The following ADAM19 variants were observed in gnomAD, a reference collection of about 807,000 sequenced individuals.
ADAM19 encodes ADAM metallopeptidase domain 19, also known as disintegrin and metalloproteinase domain-containing protein 19.
Under a neutral mutation model 114.7 loss-of-function variants are expected in ADAM19, and 65 were observed. That is an observed-to-expected ratio of 0.57 (90% CI 0.46 to 0.70). ADAM19 has a LOEUF of 0.70. Ranked by LOEUF, ADAM19 falls within the 30% of genes least tolerant of loss-of-function variation. The pLI is 0.00. For missense variants in ADAM19, 1,063 were observed against 1,204.7 expected, an observed-to-expected ratio of 0.88 and a Z score of 1.74; for synonymous variants, 466 against 460.5, an observed-to-expected ratio of 1.01 and a Z score of -0.15.
chr5:157,569,130 G>C (rs1189476808), intron 2 of ADAM19: 1 of 152,026 alleles, frequency 6.6e-6, no homozygotes, highest in Admixed American at 6.6e-5. Flanking sequence ...AATTTGTCGA[G>C]ACTTTTCCTG....
Position 157,477,853 on chromosome 5 carries a change from T to A in ADAM19, c.*3096A>T. The A allele has an allele frequency of 5.2e-6, 3 of 573,816 alleles. No homozygotes were observed. The highest frequency in any genetic ancestry group is 6.2e-5 in the Admixed American group (2 of 32,074). 35.5% of individuals were successfully genotyped at this position (573,816 alleles called of 1,614,324 possible). On this transcript the variant is annotated 3_prime_UTR_variant, in exon 23 of 23. Transcript: ENST00000257527. ...CTTCAGGGGGAAGGGACTATGGCAA[T>A]ACAAAAAAACACTCCAACCAGAAAA...
chr5:157,481,121 G>C lies in ADAM19; in HGVS notation c.2704-119C>G, dbSNP rs1311757305. On this transcript the variant is annotated intron_variant, in intron 22 of 22. Coordinates refer to ENST00000257527, the MANE Select transcript of ADAM19 (RefSeq NM_033274.5). ...GATGGACCACCCACTGAGAACAAAG[G>C]CTTCTTGTGAAGTCCATCCATGTGT... 6.6e-6 allele frequency: 9 copies of C among 1,361,176 alleles called. No individual in the cohort carries two copies. The East Asian group carries it at 2.1e-4, about 32-fold the overall frequency. The allele number at this position is 1,361,176 out of a possible 1,614,324, so 84.3% of individuals were successfully genotyped here.
At chr5:157,561,381 A>G (rs1214006756) in intron 3 of ADAM19, among the ~76,000 whole-genome samples, 1 of 152,186 alleles carries the variant, frequency 6.6e-6, no homozygotes, top group Non-Finnish European at 1.5e-5. Context: ...ATTTTGGGCC[A>G]TGCATTAATA....
At chr5:157,497,542 T>C (rs1005058142) in intron 13 of ADAM19, among the ~76,000 whole-genome samples, 4 of 151,294 alleles carry the variant, frequency 2.6e-5, no homozygotes, top group Non-Finnish European at 5.9e-5. Context: ...AGACTCATAG[T>C]AAGTGGCAGA....
At chr5:157,501,060 T>C (rs1447318410) in intron 12 of ADAM19, among the ~76,000 whole-genome samples, 2 of 152,152 alleles carry the variant, frequency 1.3e-5, no homozygotes, top group African/African-American at 2.4e-5. Flanking sequence ...CTCTAGCATA[T>C]TGGAGAGCCA....
rs1210000156 is a variant in ADAM19 at position 157,481,785 on chromosome 5, A to G, written c.2703+6T>C. On this transcript the variant is annotated splice_donor_region_variant and intron_variant, in intron 22 of 22. Coordinates refer to ENST00000257527, the MANE Select transcript of ADAM19 (RefSeq NM_033274.5). ...CTTTCACCTTGAGGGCTTCCCGTGG[A>G]CTCACCTTTGGGGCAAGTGCTGCCA... is the stretch of plus-strand genomic sequence containing the variant. The G allele has an allele frequency of 6.4e-7, 1 of 1,568,032 alleles. No homozygotes were observed. Among genetic ancestry groups the G allele is most frequent in the Admixed American group, 1.9e-5 (1 of 52,826 alleles).
At chr5:157,513,379 C>A in intron 8 of ADAM19, 55 bp downstream of exon 8, 1 of 1,557,596 alleles carries the variant, frequency 6.4e-7, no homozygotes, top group Non-Finnish European at 8.8e-7. Flanking sequence ...GCTCCAGTGC[C>A]CTTGGAAGTG....
chr5:157,574,767 G>C (rs1221228221), intron 1 of ADAM19, among the ~76,000 whole-genome samples: 3 of 152,134 alleles, frequency 2.0e-5, no homozygotes, highest in African/African-American at 7.2e-5. Flanking sequence ...ATTGGTGTCT[G>C]GGAAACTAGT....
chr5:157,521,831 C>T (rs1295915937), intron 5 of ADAM19, among the ~76,000 whole-genome samples: 3 of 152,348 alleles, frequency 2.0e-5, no homozygotes, highest in Admixed American at 2.0e-4. Flanking sequence ...CCAACCAAGG[C>T]CTCTCCCATC....
intron 21 of ADAM19, among the ~76,000 whole-genome samples, chr5:157,486,928 A>G (rs1308487995): frequency 6.6e-6 from 1 of 151,598 alleles, no homozygotes; most frequent in Non-Finnish European, 1.5e-5. Context: ...CCTCATAAGA[A>G]GAGGAGAGTT....
intron 13 of ADAM19, among the ~76,000 whole-genome samples, chr5:157,497,750 C>T (rs189121213): frequency 3.3e-4 from 51 of 152,320 alleles, no homozygotes; most frequent in African/African-American, 1.2e-3. Context: ...TGCTATTTGT[C>T]CCACTTTGCA....
intron 21 of ADAM19, among the ~76,000 whole-genome samples, chr5:157,487,447 T>C (rs776295197): frequency 6.4e-4 from 97 of 152,250 alleles, no homozygotes; most frequent in Middle Eastern, 3.4e-3. Flanking sequence ...CATGGAGCCC[T>C]CTGGATTACA....
intron 3 of ADAM19, among the ~76,000 whole-genome samples, chr5:157,551,813 A>G (rs1757205933): frequency 6.6e-6 from 1 of 152,196 alleles, no homozygotes; most frequent in African/African-American, 2.4e-5. Flanking sequence ...GCAAACAAGC[A>G]TATGAAAAGG....
At position 157,519,880 on chromosome 5, in the gene ADAM19, C is replaced by T; in HGVS notation, c.559G>A (p.Ala187Thr). Reference protein sequence around the residue: ...EHSKPTTRDWALQFTQQTKKR... With the variant: ...EHSKPTTRDWTLQFTQQTKKR... ...TTGGTCTGTTGTGTAAACTGAAGAG[C>T]CCAGTCCCTGGTGGTGGGCTTGGAG... The change falls in exon 6 of 23, where the codon GCT becomes ACT. Residue 187 changes from alanine (A) to threonine (T), a missense_variant. By Grantham distance (58) the Ala-to-Thr change is moderately conservative. This residue lies in a region of ADAM19 where 615 missense variants were observed against 706.3 expected (regional missense o/e 0.87). Transcript: ENST00000257527. 6.2e-7 allele frequency: 1 copy of T among 1,613,988 alleles called. No homozygotes were observed. Among genetic ancestry groups the T allele is most frequent in the South Asian group, 1.1e-5 (1 of 91,050 alleles).
chr5:157,560,264 CAAAAAAAAAAAAAA>C (rs35731498), intron 3 of ADAM19, among the ~76,000 whole-genome samples: 4 of 51,708 alleles, frequency 7.7e-5, no homozygotes, highest in Admixed American at 3.0e-4. Context: ...GACTCCGTCT[CAAAAAAAAAAAAAA>C]AAAAAAAAAA....
intron 3 of ADAM19, among the ~76,000 whole-genome samples, chr5:157,541,235 G>A (rs575133879): frequency 5.3e-5 from 8 of 152,288 alleles, no homozygotes; most frequent in Admixed American, 2.6e-4. Flanking sequence ...TCAGCAGACC[G>A]GCAGGAAGCC....
At chr5:157,536,075 A>T (rs1581336924) in intron 4 of ADAM19, among the ~76,000 whole-genome samples, 1 of 152,218 alleles carries the variant, frequency 6.6e-6, no homozygotes, top group African/African-American at 2.4e-5. Flanking sequence ...TGCTGCAGGC[A>T]CCGGCCACAC....
intron 4 of ADAM19, 68 bp downstream of exon 4, chr5:157,537,845 C>G (rs1756806825): frequency 1.4e-6 from 2 of 1,426,740 alleles, no homozygotes; most frequent in Non-Finnish European, 2.0e-6. Flanking sequence ...TCAGGCATCT[C>G]CTGAGGTCCT....
intron 2 of ADAM19, 89 bp downstream of exon 2, chr5:157,570,806 G>C: frequency 8.8e-7 from 1 of 1,140,966 alleles, no homozygotes; most frequent in Non-Finnish European, 1.3e-6. Flanking sequence ...AACTAATGGT[G>C]ATGACTGGGA....
Sources: allele counts gnomAD v4.1 joint callset (sites outside exome capture counted in the v4.1 genomes callset), GRCh38; gene constraint gnomAD v4.1.1; regional missense constraint gnomAD v4.1.1; transcripts MANE v1.5; gene names NCBI Gene and HGNC (gene_info 2026-07-23, HGNC 2026-07-21).